BACH2: variants seen among roughly 807,000 people sequenced by gnomAD.
The protein encoded by BACH2 is transcription regulator protein BACH2.
BACH2 carries 5 observed loss-of-function variants against 61.8 expected under a neutral mutation model. The ratio of observed to expected loss-of-function variants is 0.08; its 90% confidence interval spans 0.04 to 0.17. The LOEUF (loss-of-function observed/expected upper bound fraction) is 0.17. Among genes scored for constraint, BACH2 ranks in the 10% least tolerant of loss-of-function variants. The pLI is 1.00. For synonymous variants in BACH2, 446 were observed against 440.1 expected (o/e 1.01, Z -0.17); for missense variants, 824 against 1,091.1 (o/e 0.76, Z 3.45).
intron 4 of BACH2, among the ~76,000 whole-genome samples, chr6:90,184,573 C>T (rs985241135): frequency 4.6e-5 from 7 of 152,204 alleles, no homozygotes; most frequent in African/African-American, 1.2e-4. Context: ...GACAAGCAGG[C>T]TCCCGGGGGA....
chr6:90,051,966 T>G (rs1780067278), intron 5 of BACH2, among the ~76,000 whole-genome samples: 1 of 152,198 alleles, frequency 6.6e-6, no homozygotes, highest in African/African-American at 2.4e-5. Context: ...TTTAAAATGT[T>G]AAAAAATTTC....
At position 90,136,045 on chromosome 6, in the gene BACH2, A is replaced by G. The variant is rs115591510; in HGVS notation, c.-161-46936T>C. Among the ~76,000 whole-genome samples the G allele has an allele frequency of 8.3e-3, 1,256 of 152,044 alleles. 16 individuals carry two copies. Among genetic ancestry groups the G allele is most frequent in the African/African-American group, 0.027 (1,128 of 41,456 alleles). ...TCTTTCTCTTTTGTCACTTCACCCAAGCTTCCTGAATTTCTCCAAGGCCAG... is the reference window on the plus strand; with the variant it reads ...TCTTTCTCTTTTGTCACTTCACCCAGGCTTCCTGAATTTCTCCAAGGCCAG... On this transcript the variant is annotated intron_variant, in intron 4 of 8. Transcript: ENST00000257749.
chr6:89,989,767 A>G (rs1007491190), intron 6 of BACH2, among the ~76,000 whole-genome samples: 1 of 152,186 alleles, frequency 6.6e-6, no homozygotes, highest in South Asian at 2.1e-4. Flanking sequence ...GGGAGGAGGA[A>G]TCTGAATAAA....
At chr6:90,155,018 G>A (rs1224162378) in intron 4 of BACH2, among the ~76,000 whole-genome samples, 1 of 152,208 alleles carries the variant, frequency 6.6e-6, no homozygotes, top group African/African-American at 2.4e-5. Flanking sequence ...GCACTGCAAA[G>A]GGAGAGCTAG....
intron 5 of BACH2, among the ~76,000 whole-genome samples, chr6:90,064,547 G>A (rs951791774): frequency 7.9e-5 from 12 of 152,306 alleles, no homozygotes; most frequent in African/African-American, 2.6e-4. Flanking sequence ...GATGAAAGTG[G>A]GGCATTAGGA....
chr6:90,061,034 T>C (rs1292264687), intron 5 of BACH2, among the ~76,000 whole-genome samples: 3 of 152,222 alleles, frequency 2.0e-5, no homozygotes, highest in African/African-American at 7.2e-5. Context: ...GTACAAAGTC[T>C]GTTATACTGG....
intron 2 of BACH2, among the ~76,000 whole-genome samples, chr6:90,257,231 G>A (rs945755363): frequency 6.6e-6 from 1 of 151,984 alleles, no homozygotes; most frequent in African/African-American, 2.4e-5. Flanking sequence ...ATTTCCTTTG[G>A]GTATATGCCC....
chr6:90,163,446 C>T (rs1031775684), intron 4 of BACH2, among the ~76,000 whole-genome samples: 1 of 152,034 alleles, frequency 6.6e-6, no homozygotes, highest in Non-Finnish European at 1.5e-5. Context: ...ACATCCTGCC[C>T]CACTAATTTT....
At chr6:89,999,850 A>G (rs982258339) in intron 6 of BACH2, among the ~76,000 whole-genome samples, 1 of 152,234 alleles carries the variant, frequency 6.6e-6, no homozygotes, top group Non-Finnish European at 1.5e-5. Flanking sequence ...ATCTATTTCA[A>G]AATGTTGATT....
chr6:89,969,987 TG>T (rs1775272220), intron 6 of BACH2, among the ~76,000 whole-genome samples: 1 of 152,042 alleles, frequency 6.6e-6, no homozygotes, highest in African/African-American at 2.4e-5. Context: ...TAGATCAGCT[TG>T]GAAAAAATAA....
chr6:90,213,430 T>G (rs1232754713), intron 3 of BACH2, among the ~76,000 whole-genome samples: 3 of 152,228 alleles, frequency 2.0e-5, no homozygotes. Flanking sequence ...TCTTTGTTCC[T>G]GTAAACCTCC....
At chr6:90,153,404 T>G (rs543697313) in intron 4 of BACH2, among the ~76,000 whole-genome samples, 1 of 152,254 alleles carries the variant, frequency 6.6e-6, no homozygotes, top group East Asian at 1.9e-4. Context: ...AAATCAGACC[T>G]TGTTGGGTAA....
At chr6:90,251,420 C>T (rs1770804536) in intron 3 of BACH2, among the ~76,000 whole-genome samples, 1 of 151,986 alleles carries the variant, frequency 6.6e-6, no homozygotes, top group African/African-American at 2.4e-5. Flanking sequence ...ATATTTTTAG[C>T]CTTTTGTACT....
chr6:90,161,537 A>AC (rs1342919026), intron 4 of BACH2, among the ~76,000 whole-genome samples: 1 of 152,214 alleles, frequency 6.6e-6, no homozygotes, highest in African/African-American at 2.4e-5. Context: ...ACAATAAAGT[A>AC]CACATGTGCT....
Position 89,932,372 on chromosome 6 carries a change from G to C in BACH2, c.*36C>G. The C allele has an allele frequency of 1.3e-6, 2 of 1,592,758 alleles. No homozygotes were observed. ...AGGCTGACTGAAGAACGCCTGGATG[G>C]GAGAGGTGTGCGGACTGGGAGGCAG... On this transcript the variant is annotated 3_prime_UTR_variant, in exon 9 of 9. Coordinates refer to ENST00000257749, the MANE Select transcript of BACH2 (RefSeq NM_021813.4).
intron 5 of BACH2, among the ~76,000 whole-genome samples, chr6:90,044,936 G>C (rs1346798334): frequency 6.6e-6 from 1 of 152,188 alleles, no homozygotes; most frequent in Non-Finnish European, 1.5e-5. Context: ...GTAAGCAACT[G>C]AACACAGCCT....
intron 1 of BACH2, among the ~76,000 whole-genome samples, chr6:90,290,744 C>G (rs1772153087): frequency 6.6e-6 from 1 of 152,132 alleles, no homozygotes. Flanking sequence ...CCTGGAAAGT[C>G]TTGAGGAAAT....
intron 4 of BACH2, among the ~76,000 whole-genome samples, chr6:90,177,826 C>CTAG (rs1403109295): frequency 6.6e-6 from 1 of 152,112 alleles, no homozygotes; most frequent in Non-Finnish European, 1.5e-5. Flanking sequence ...TCTTAAGGAC[C>CTAG]TCTAAAGCTG....
chr6:90,132,113 C>A (rs1433161378), intron 4 of BACH2, among the ~76,000 whole-genome samples: 4 of 152,164 alleles, frequency 2.6e-5, no homozygotes, highest in African/African-American at 9.7e-5. Context: ...AAAATGGATA[C>A]AACAATGTGG....
Sources: gnomAD v4.1 joint callset for allele counts (sites outside exome capture counted in the v4.1 genomes callset) on GRCh38, gnomAD v4.1.1 for gene constraint, MANE v1.5 for transcripts, NCBI Gene and HGNC (gene_info 2026-07-23, HGNC 2026-07-21) for gene names.